Variants in NLRP12 observed in about 807,000 individuals in gnomAD.
NLRP12 encodes NLR family pyrin domain containing 12.
Under a neutral mutation model 91.2 loss-of-function variants are expected in NLRP12, and 108 were observed. The observed-to-expected ratio is 1.18, with a 90% CI of 1.01 to 1.39. The LOEUF is 1.39. Among genes scored for constraint, NLRP12 ranks in the 40% most tolerant of loss-of-function variants. NLRP12 has a pLI of 0.00. For synonymous variants in NLRP12, 613 were observed against 566.7 expected (o/e 1.08, Z -1.16); for missense variants, 1,530 against 1,352.7 (o/e 1.13, Z -2.06).
intron 4 of NLRP12, chr19:53,805,684 AT>A: frequency 1.8e-6 from 1 of 553,062 alleles, no homozygotes; most frequent in Non-Finnish European, 3.4e-6. Flanking sequence ...TGCCTGGCTC[AT>A]TTTGGTATTT....
chr19:53,806,586 C>G (rs2091961150), intron 4 of NLRP12, among the ~76,000 whole-genome samples: 1 of 143,668 alleles, frequency 7.0e-6, no homozygotes, highest in South Asian at 2.2e-4. Context: ...GAGGCCGAGG[C>G]AGGAGAATCG....
At chr19:53,798,676 G>A (rs1329902469) in intron 7 of NLRP12, among the ~76,000 whole-genome samples, 1 of 152,204 alleles carries the variant, frequency 6.6e-6, no homozygotes, top group Non-Finnish European at 1.5e-5. Context: ...CTTGAGGCTG[G>A]AGGGTTTTTT....
At position 53,798,507 on chromosome 19, in the gene NLRP12, C is replaced by T; in HGVS notation, c.2757-94G>A. On this transcript the variant is annotated intron_variant, in intron 7 of 9. Coordinates refer to ENST00000324134, the MANE Select transcript of NLRP12 (RefSeq NM_144687.4). The stretch of plus-strand genomic sequence containing the variant: ...TGCCAAGCCCTGTGCTGGTTGCAGA[C>T]AGAGGGACAGACTCAATCTCTACCC... 9.7e-6 allele frequency: 12 copies of T among 1,238,682 alleles called. No individual in the cohort carries two copies. In the South Asian group the frequency reaches 1.5e-4, roughly 16 times the overall value. The allele number at this position is 1,238,682 out of a possible 1,614,324, so 76.7% of individuals were successfully genotyped here.
chr19:53,818,580 G>A (rs1383914769), intron 1 of NLRP12, among the ~76,000 whole-genome samples: 2 of 140,614 alleles, frequency 1.4e-5, no homozygotes, highest in African/African-American at 5.4e-5. Context: ...CAGGAGAATC[G>A]CTTGAACCCG....
In NLRP12 at chr19:53,809,701, C is replaced by A. The variant is rs1568676266; in HGVS notation, c.1958G>T (p.Cys653Phe). Reference protein sequence around the residue: ...SKMEHMVSSFCLKRCRSAQVL... With the variant: ...SKMEHMVSSFFLKRCRSAQVL... ...CTGGGCGCTCCTGCAGCGCTTCAGA[C>A]AGAACGAGGAGACCATGTGCTCCAT... is the stretch of plus-strand genomic sequence containing the variant. Residue 653 changes from cysteine (C) to phenylalanine (F), a missense_variant, in exon 3 of 10, where the codon TGT (cysteine) becomes TTT (phenylalanine). Coordinates refer to ENST00000324134, the MANE Select transcript of NLRP12 (RefSeq NM_144687.4). The A allele has an allele frequency of 1.2e-6, 2 of 1,614,086 alleles. No individual in the cohort carries two copies.
At chr19:53,823,393 T>TAAATATATTTTTA (rs2092290257) in intron 1 of NLRP12, among the ~76,000 whole-genome samples, 1 of 100,106 alleles carries the variant, frequency 1.0e-5, no homozygotes, top group Admixed American at 1.3e-4. Context: ...ATACATATTT[T>TAAATATATTTTTA]AAATATATAT....
intron 1 of NLRP12, among the ~76,000 whole-genome samples, chr19:53,816,695 A>G (rs1409994368): frequency 6.6e-6 from 1 of 151,740 alleles, no homozygotes; most frequent in Non-Finnish European, 1.5e-5. Context: ...GGTGGTAAAA[A>G]TACAAAAAAA....
chr19:53,803,961 C>T lies in NLRP12; in HGVS notation c.2576G>A (p.Arg859Gln), dbSNP rs79884502. Residue 859 changes from arginine (R) to glutamine (Q), a missense_variant, in exon 6 of 10, where the codon CGG becomes CAG. Coordinates refer to ENST00000324134, the MANE Select transcript of NLRP12 (RefSeq NM_144687.4). ...QGLRHPVCRL[R>Q]TLWLKICRLT... ...CCCAGGAAGAACTCACCACAAAGTC[C>T]GTAGTCTGCAGACTGGGTGCCTCAG... The T allele has an allele frequency of 1.7e-3, 2,770 of 1,614,016 alleles. 22 individuals are homozygous for T. The African/African-American group carries it at 0.029, about 17-fold the overall frequency.
Position 53,801,396 on chromosome 19 carries a change from G to A in NLRP12, c.2587C>T (p.Leu863=), listed in dbSNP as rs1310490268. 3.1e-6 allele frequency: 5 copies of A among 1,611,548 alleles called. No homozygotes were observed. The highest frequency in any genetic ancestry group is 4.2e-6 in the Non-Finnish European group (5 of 1,179,178). Residue 863 remains leucine (L), a splice_region_variant and synonymous_variant, in exon 7 of 10, where the codon CTG becomes TTG. Transcript: ENST00000324134. ...GCAGCAGTGAGGCGGCAGATCTTCA[G>A]CCTGCACAAAGTCCAATTCAACAAG... ...HPVCRLRTLW[L]KICRLTAAAC...
In NLRP12 at chr19:53,805,360, A is replaced by G. The variant is rs769879112; in HGVS notation, c.2334T>C (p.Ser778=). 6.2e-7 allele frequency: 1 copy of G among 1,614,046 alleles called. No individual in the cohort carries two copies. Among genetic ancestry groups the G allele is most frequent in the East Asian group, 2.2e-5 (1 of 44,852 alleles). The part of the protein sequence containing the change: ...ANKNLTRMDL[S]GNGVGFPGMM... The stretch of plus-strand genomic sequence containing the variant: ...TGCCTGGGAATCCAACGCCGTTGCC[A>G]CTGAGATCCATCCTTGTCAAATTCT... The change falls in exon 5 of 10, where the codon AGT becomes AGC. Residue 778 remains serine, a synonymous_variant. Transcript: ENST00000324134.
chr19:53,816,290 C>T (rs1383420542), intron 1 of NLRP12, among the ~76,000 whole-genome samples: 2 of 152,070 alleles, frequency 1.3e-5, no homozygotes, highest in Admixed American at 6.6e-5. Flanking sequence ...CTGCTGGTTG[C>T]TAGTCCATGA....
At chr19:53,806,630 G>A (rs763867333) in intron 4 of NLRP12, among the ~76,000 whole-genome samples, 6 of 134,466 alleles carry the variant, frequency 4.5e-5, no homozygotes, top group East Asian at 4.6e-4. Flanking sequence ...GCAGTGAGCC[G>A]AGATCACGCT....
intron 8 of NLRP12, chr19:53,796,294 C>T: frequency 7.1e-6 from 3 of 424,566 alleles, no homozygotes. Context: ...CTCTGTTGCC[C>T]ATGCTGGAGT....
At chr19:53,823,423 T>TATTTTTTTAA (rs1555799937) in intron 1 of NLRP12, among the ~76,000 whole-genome samples, 2 of 109,912 alleles carry the variant, frequency 1.8e-5, no homozygotes, top group African/African-American at 7.5e-5. Flanking sequence ...ATGTTTTAAA[T>TATTTTTTTAA]ATATATATTT....
At chr19:53,801,180 C>A (rs571308939) in intron 7 of NLRP12, 47 bp downstream of exon 7, 1 of 1,577,714 alleles carries the variant, frequency 6.3e-7, no homozygotes. Context: ...GAGAGGGCTG[C>A]GTTCATGGAT....
In NLRP12 at chr19:53,809,871, T is replaced by C; in HGVS notation, c.1788A>G (p.Gln596=). 4.3e-6 allele frequency: 7 copies of C among 1,614,110 alleles called. No homozygotes were observed. The highest frequency in any genetic ancestry group is 5.9e-6 in the Non-Finnish European group (7 of 1,180,030). Reference sequence around the variant, plus strand: ...TGGAGCCGTCGCTCTGAGCTTTGCTTTGGATCCACTGCAACAGGTCCATCT... The same window carrying C: ...TGGAGCCGTCGCTCTGAGCTTTGCTCTGGATCCACTGCAACAGGTCCATCT... ...HIKMDLLQWI[Q]SKAQSDGSTL... is the part of the protein sequence containing the mutation. The change falls in exon 3 of 10, where the codon CAA becomes CAG. Residue 596 remains glutamine, a synonymous_variant. Coordinates refer to ENST00000324134, the MANE Select transcript of NLRP12 (RefSeq NM_144687.4).
rs1262724497 is a variant in NLRP12 at position 53,810,235 on chromosome 19, A to T, written c.1424T>A (p.Leu475Gln). Reference protein sequence around the residue: ...AADGLWNQKILFEEQDLRKHG... With the variant: ...AADGLWNQKIQFEEQDLRKHG... ...CTTCCGGAGGTCCTGCTCCTCAAATAGGATTTTCTGATTCCAGAGCCCATC... is the reference window on the plus strand; with the variant it reads ...CTTCCGGAGGTCCTGCTCCTCAAATTGGATTTTCTGATTCCAGAGCCCATC... The change falls in exon 3 of 10, where the codon CTA becomes CAA. Residue 475 changes from leucine (L) to glutamine (Q), a missense_variant. Transcript: ENST00000324134. 3.7e-6 allele frequency: 6 copies of T among 1,614,084 alleles called. No homozygotes were observed. Among genetic ancestry groups the T allele is most frequent in the Non-Finnish European group, 5.1e-6 (6 of 1,180,046 alleles).
intron 1 of NLRP12, among the ~76,000 whole-genome samples, chr19:53,815,845 C>CAA (rs1265523252): frequency 6.2e-4 from 93 of 149,492 alleles, no homozygotes; most frequent in African/African-American, 2.2e-3. Flanking sequence ...CTCCTGACCT[C>CAA]GTGATCCACC....
chr19:53,795,658 G>C (rs1193751871), intron 9 of NLRP12, among the ~76,000 whole-genome samples: 1 of 152,066 alleles, frequency 6.6e-6, no homozygotes, highest in Non-Finnish European at 1.5e-5. Flanking sequence ...ATAGGTGTGA[G>C]CCACCGCGCC....
Sources: allele counts gnomAD v4.1 joint callset (sites outside exome capture counted in the v4.1 genomes callset), GRCh38; gene constraint gnomAD v4.1.1; transcripts MANE v1.5; gene names NCBI Gene and HGNC (gene_info 2026-07-23, HGNC 2026-07-21).